VTI1A: variants seen among roughly 807,000 people sequenced by gnomAD.
VTI1A encodes the protein vesicle transport through interaction with t-SNAREs 1A, also known as vesicle transport through interaction with t-SNAREs homolog 1A.
A neutral mutation model predicts 34.9 loss-of-function variants in VTI1A; 22 were observed. The observed-to-expected ratio is 0.63, with a 90% CI of 0.45 to 0.90. The LOEUF (loss-of-function observed/expected upper bound fraction) is 0.90, where lower values mean the gene tolerates loss of function less well. VTI1A is among the 40% of genes least tolerant of loss of function. The probability of loss-of-function intolerance (pLI) is 0.00; values close to 1 mark genes in which losing one functional copy is unlikely to be tolerated. For missense variants in VTI1A, 268 were observed against 275.6 expected, an observed-to-expected ratio of 0.97 and a Z score of 0.20; for synonymous variants, 87 against 97.3, an observed-to-expected ratio of 0.89 and a Z score of 0.62.
chr10:112,630,990 C>G (rs1347244958), intron 5 of VTI1A, among the ~76,000 whole-genome samples: 1 of 152,032 alleles, frequency 6.6e-6, no homozygotes, highest in African/African-American at 2.4e-5. Context: ...GGCATGGTGG[C>G]ATGCACCTGT....
intron 3 of VTI1A, among the ~76,000 whole-genome samples, chr10:112,474,505 G>A (rs1848213582): frequency 6.7e-6 from 1 of 148,240 alleles, no homozygotes; most frequent in Admixed American, 6.8e-5. Context: ...ACCCAGGCTA[G>A]TGTACAGTGG....
At chr10:112,834,775 T>C in the VTI1A span, among the ~76,000 whole-genome samples, 1 of 152,176 alleles carries the variant, frequency 6.6e-6, no homozygotes, top group Admixed American at 6.5e-5. Context: ...GTTTGCTGAG[T>C]GCCAGGAGAC....
At chr10:112,612,222 A>G (rs1845344817) in intron 5 of VTI1A, among the ~76,000 whole-genome samples, 1 of 152,198 alleles carries the variant, frequency 6.6e-6, no homozygotes. Flanking sequence ...CAATCTGGTC[A>G]GATAGTGATT....
chr10:112,746,982 G>T (rs1850918987), intron 7 of VTI1A, among the ~76,000 whole-genome samples: 1 of 152,184 alleles, frequency 6.6e-6, no homozygotes, highest in African/African-American at 2.4e-5. Context: ...TCAATTTACA[G>T]ATGAAGACAG....
intron 5 of VTI1A, among the ~76,000 whole-genome samples, chr10:112,547,125 CA>C (rs1851160482): frequency 6.6e-6 from 1 of 151,822 alleles, no homozygotes; most frequent in South Asian, 2.1e-4. Flanking sequence ...ACAAAAAATA[CA>C]AAAATTAGCT....
chr10:112,697,458 G>A (rs550907423), intron 7 of VTI1A, among the ~76,000 whole-genome samples: 11 of 146,426 alleles, frequency 7.5e-5, no homozygotes, highest in Admixed American at 2.8e-4. Context: ...GTACAATGGC[G>A]CTATCTCAGC....
At chr10:112,467,239 A>G (rs1007693509) in intron 3 of VTI1A, among the ~76,000 whole-genome samples, 10 of 152,138 alleles carry the variant, frequency 6.6e-5, no homozygotes, top group Non-Finnish European at 1.5e-4. Flanking sequence ...AGAGTACAAT[A>G]CTGGGCAAAG....
intron 5 of VTI1A, among the ~76,000 whole-genome samples, chr10:112,665,789 C>G (rs1004277399): frequency 1.3e-5 from 2 of 152,132 alleles, no homozygotes; most frequent in African/African-American, 4.8e-5. Context: ...AAACTTTATG[C>G]ATACTTTATT....
intron 3 of VTI1A, among the ~76,000 whole-genome samples, chr10:112,471,302 C>G (rs150785403): frequency 6.6e-6 from 1 of 150,884 alleles, no homozygotes; most frequent in African/African-American, 2.4e-5. Flanking sequence ...GTCATACTTA[C>G]GTGCCCATTT....
intron 7 of VTI1A, among the ~76,000 whole-genome samples, chr10:112,735,802 A>G (rs1037587686): frequency 2.6e-5 from 4 of 152,012 alleles, no homozygotes; most frequent in South Asian, 2.1e-4. Context: ...AGTTGAAATT[A>G]ATATTCTGTC....
chr10:112,504,645 TAAG>T (rs934435493), intron 3 of VTI1A, among the ~76,000 whole-genome samples: 26 of 152,204 alleles, frequency 1.7e-4, no homozygotes, highest in Non-Finnish European at 3.5e-4. Flanking sequence ...ACATTTTTCA[TAAG>T]AAGTAGAATT....
intron 5 of VTI1A, among the ~76,000 whole-genome samples, chr10:112,604,737 T>C (rs551045366): frequency 6.6e-6 from 1 of 152,218 alleles, no homozygotes; most frequent in Non-Finnish European, 1.5e-5. Flanking sequence ...CCAGAAGAGA[T>C]ATAAAACATT....
At chr10:112,667,104 A>G (rs1847669653) in intron 5 of VTI1A, among the ~76,000 whole-genome samples, 1 of 152,134 alleles carries the variant, frequency 6.6e-6, no homozygotes. Flanking sequence ...CAGTGTGCAT[A>G]TATGAGCCAA....
chr10:112,537,364 G>A (rs1216564746), intron 4 of VTI1A, among the ~76,000 whole-genome samples: 2 of 73,864 alleles, frequency 2.7e-5, no homozygotes, highest in African/African-American at 4.2e-5. Context: ...TCCATTCATA[G>A]CCATGATTAG....
chr10:112,676,317 G>A (rs112897868), intron 7 of VTI1A, among the ~76,000 whole-genome samples: 2,447 of 151,992 alleles, frequency 0.016, 66 homozygotes, highest in African/African-American at 0.056. Flanking sequence ...GCTCTGGTGC[G>A]TTCTGAGTAC....
At chr10:112,799,513 T>G (rs1314455848) in intron 7 of VTI1A, among the ~76,000 whole-genome samples, 1 of 152,146 alleles carries the variant, frequency 6.6e-6, no homozygotes, top group Non-Finnish European at 1.5e-5. Context: ...GCCCCTGTTC[T>G]CCCAGTCCCT....
intron 3 of VTI1A, among the ~76,000 whole-genome samples, chr10:112,524,128 C>A (rs994381275): frequency 6.6e-6 from 1 of 151,730 alleles, no homozygotes; most frequent in Admixed American, 6.6e-5. Context: ...GGATTTTCCC[C>A]CTTTTTTGGT....
intron 5 of VTI1A, among the ~76,000 whole-genome samples, chr10:112,600,314 T>A (rs1454356394): frequency 1.3e-5 from 2 of 152,166 alleles, no homozygotes; most frequent in Admixed American, 6.5e-5. Context: ...AGATCAAGGA[T>A]CTTCTGATCA....
chr10:112,577,452 C>G (rs1843754004), intron 5 of VTI1A, among the ~76,000 whole-genome samples: 1 of 152,116 alleles, frequency 6.6e-6, no homozygotes, highest in Non-Finnish European at 1.5e-5. Context: ...AGACCAGGCA[C>G]TCTTTGGTAA....
Sources: gnomAD v4.1 joint callset for allele counts (sites outside exome capture counted in the v4.1 genomes callset) on GRCh38, gnomAD v4.1.1 for gene constraint, MANE v1.5 for transcripts, NCBI Gene and HGNC (gene_info 2026-07-23, HGNC 2026-07-21) for gene names.